The following PLEKHG4B variants were observed in gnomAD, a reference collection of about 807,000 sequenced individuals.
The protein encoded by PLEKHG4B is pleckstrin homology and RhoGEF domain containing G4B, also known as pleckstrin homology domain-containing family G member 4B.
PLEKHG4B carries 111 observed loss-of-function variants against 121.3 expected under a neutral mutation model. The ratio of observed to expected loss-of-function variants is 0.92; its 90% CI spans 0.78 to 1.07. PLEKHG4B has a LOEUF of 1.07. PLEKHG4B is among the 50% of genes least tolerant of loss of function. The probability of loss-of-function intolerance (pLI) is 0.00; values close to 1 mark genes in which losing one functional copy is unlikely to be tolerated. For missense variants in PLEKHG4B, 1,831 were observed against 1,757.8 expected (o/e 1.04, Z -0.74); for synonymous variants, 738 against 725.0 (o/e 1.02, Z -0.29).
chr5:97,727 T>G (rs1037480231), intron 1 of PLEKHG4B, among the ~76,000 whole-genome samples: 1 of 152,152 alleles, frequency 6.6e-6, no homozygotes, highest in African/African-American at 2.4e-5. Flanking sequence ...TTGGCTTTTG[T>G]GGATAGTGCT....
At position 184,023 on chromosome 5, in the gene PLEKHG4B, AGATAGACT is replaced by A. The variant is rs1318449693; in HGVS notation, c.*1703_*1710del. On this transcript the variant is annotated 3_prime_UTR_variant, in exon 20 of 20. Coordinates refer to ENST00000637938, the MANE Select transcript of PLEKHG4B (RefSeq NM_052909.5). The stretch of plus-strand genomic sequence containing the variant: ...TAGATAGATAGATAGATAGATAGAT[AGATAGACT>A]GACAGACAGATGAGAGGGGCCTTAG... The A allele has an allele frequency of 3.3e-5, 5 of 151,264 alleles. No homozygotes were observed. Among genetic ancestry groups the A allele is most frequent in the South Asian group, 4.2e-4 (2 of 4,770 alleles). 9.4% of individuals were successfully genotyped at this position (151,264 alleles called of 1,614,324 possible).
intron 13 of PLEKHG4B, among the ~76,000 whole-genome samples, chr5:164,857 GC>G (rs1736232723): frequency 7.6e-6 from 1 of 131,720 alleles, no homozygotes; most frequent in Non-Finnish European, 1.6e-5. Context: ...GTGACAGGGG[GC>G]GGGGCTCACA....
In PLEKHG4B at chr5:189,873, G is replaced by A. The variant is rs1395530682; in HGVS notation, c.*7550G>A. ...ACTTTTCAGAACCCAAAAGGTGTCT[G>A]GGAAATGGCGTTACCTGCCACTGTT... On this transcript the variant is annotated 3_prime_UTR_variant, in exon 20 of 20. Transcript: ENST00000637938. 1 of 152,214 alleles carries A rather than the reference G, an allele frequency of 6.6e-6. No homozygotes were observed. Among genetic ancestry groups the A allele is most frequent in the East Asian group, 1.9e-4 (1 of 5,194 alleles). 9.4% of individuals were successfully genotyped at this position (152,214 alleles called of 1,614,324 possible). A position where few individuals can be genotyped will look rare whatever the true frequency, so the allele number is the denominator to read the frequency against.
At chr5:138,573 G>A (rs558972431) in intron 2 of PLEKHG4B, among the ~76,000 whole-genome samples, 1 of 152,316 alleles carries the variant, frequency 6.6e-6, no homozygotes, top group South Asian at 2.1e-4. Flanking sequence ...GAAAGCTGGG[G>A]TTGTGACTTC....
intron 2 of PLEKHG4B, among the ~76,000 whole-genome samples, chr5:126,950 T>G (rs1428799572): frequency 4.6e-5 from 7 of 152,212 alleles, no homozygotes; most frequent in Non-Finnish European, 5.9e-5. Context: ...GGACCAGGTG[T>G]GACATTTACA....
chr5:110,232 C>G (rs998467802), intron 1 of PLEKHG4B, among the ~76,000 whole-genome samples: 1 of 150,580 alleles, frequency 6.6e-6, no homozygotes, highest in Non-Finnish European at 1.5e-5. Flanking sequence ...CATGCACACA[C>G]CGGCCACTCT....
chr5:146,661 T>A (rs1735428554), intron 6 of PLEKHG4B, among the ~76,000 whole-genome samples: 2 of 85,372 alleles, frequency 2.3e-5, no homozygotes, highest in African/African-American at 4.8e-5. Flanking sequence ...GAGTCCTCCC[T>A]CATCTCCCCC....
At chr5:164,823 C>CA (rs1157784604) in intron 13 of PLEKHG4B, among the ~76,000 whole-genome samples, 1 of 108,564 alleles carries the variant, frequency 9.2e-6, no homozygotes, top group Admixed American at 9.7e-5. Flanking sequence ...AATGCTGTGA[C>CA]GGAGCGGAGC....
At position 163,208 on chromosome 5, in the gene PLEKHG4B, G is replaced by T; in HGVS notation, c.3136G>T (p.Ala1046Ser). 1 of 1,593,626 alleles carries T rather than the reference G, an allele frequency of 6.3e-7. No homozygotes were observed. The highest frequency in any genetic ancestry group is 8.5e-7 in the Non-Finnish European group (1 of 1,170,676). Residue 1046 changes from alanine to serine, a missense_variant, in exon 13 of 20, where the codon GCA becomes TCA. Ala to Ser is a moderately conservative substitution (Grantham distance 99). Coordinates refer to ENST00000637938, the MANE Select transcript of PLEKHG4B (RefSeq NM_052909.5). The stretch of plus-strand genomic sequence containing the variant: ...GTCCCTCCTCAGGGGCCTTCCAGGG[G>T]CAGGGGCCACCACGGCCCACCTGGA... ...PLSLLRGLPG[A>S]GATTAHLEDS...
intron 18 of PLEKHG4B, among the ~76,000 whole-genome samples, chr5:174,428 G>T (rs1474741666): frequency 6.6e-6 from 1 of 151,714 alleles, no homozygotes; most frequent in African/African-American, 2.4e-5. Flanking sequence ...CAGGGGCCGG[G>T]GGCCAAGGCT....
intron 12 of PLEKHG4B, among the ~76,000 whole-genome samples, chr5:162,230 C>G (rs559396631): frequency 1.3e-5 from 2 of 152,234 alleles, no homozygotes; most frequent in Non-Finnish European, 2.9e-5. Flanking sequence ...GCCCAAAACC[C>G]TAAACAAGTG....
At chr5:167,437 T>C (rs1736388009) in intron 13 of PLEKHG4B, among the ~76,000 whole-genome samples, 1 of 104,960 alleles carries the variant, frequency 9.5e-6, no homozygotes, top group African/African-American at 3.3e-5. Flanking sequence ...ATACAAATAA[T>C]GGTAGAAAAA....
Position 169,839 on chromosome 5 carries a change from G to A in PLEKHG4B, c.3729+247G>A, listed in dbSNP as rs111922343. On this transcript the variant is annotated intron_variant, in intron 14 of 19. Coordinates refer to ENST00000637938, the MANE Select transcript of PLEKHG4B (RefSeq NM_052909.5). ...CTGTGTCCCTGCTGCCCCTGGAGGC[G>A]GAGGCTCACAGACACCATCACACCC... Among the ~76,000 whole-genome samples, 71 of 152,312 alleles carry A rather than the reference G, an allele frequency of 4.7e-4. 1 individual carries two copies. The highest frequency in any genetic ancestry group is 1.5e-3 in the African/African-American group (61 of 41,568).
Position 157,240 on chromosome 5 carries a change from G to T in PLEKHG4B, c.2487+329G>T. ...CCGGACGCTTTCTCCATGTGCATGC[G>T]TACACAGTGACTGAGAAGCCGAGGT... On this transcript the variant is annotated intron_variant, in intron 11 of 19. Coordinates refer to ENST00000637938, the MANE Select transcript of PLEKHG4B (RefSeq NM_052909.5). This position sits in a 1 kb window ranked among gnomAD's most constrained non-coding sequence, Gnocchi z 4.6. 1 of 358,364 alleles carries T rather than the reference G, an allele frequency of 2.8e-6. No homozygotes were observed. The highest frequency in any genetic ancestry group is 2.3e-5 in the South Asian group (1 of 43,042). 22.2% of individuals were successfully genotyped at this position (358,364 alleles called of 1,614,324 possible).
chr5:135,432 C>T (rs893659913), intron 2 of PLEKHG4B, among the ~76,000 whole-genome samples: 1 of 149,320 alleles, frequency 6.7e-6, no homozygotes, highest in Non-Finnish European at 1.5e-5. Flanking sequence ...TTTGGGAGGC[C>T]GAGGTGGCGG....
At chr5:141,878 C>T (rs1006241180) in intron 3 of PLEKHG4B, among the ~76,000 whole-genome samples, 1 of 152,292 alleles carries the variant, frequency 6.6e-6, no homozygotes, top group South Asian at 2.1e-4. Flanking sequence ...TGGGCTCCCC[C>T]CGCGGTGCCT....
chr5:146,882 G>C (rs755767743), intron 6 of PLEKHG4B, among the ~76,000 whole-genome samples: 3 of 151,494 alleles, frequency 2.0e-5, no homozygotes, highest in Admixed American at 6.6e-5. Context: ...TCCCGCCTGT[G>C]GTTTCTTCTT....
In PLEKHG4B at chr5:182,941, G is replaced by C. The variant is rs1733466561; in HGVS notation, c.*618G>C. 6.4e-6 allele frequency: 1 copy of C among 155,074 alleles called. No homozygotes were observed. Among genetic ancestry groups the C allele is most frequent in the Non-Finnish European group, 1.4e-5 (1 of 69,808 alleles). The allele number at this position is 155,074 out of a possible 1,614,324, so 9.6% of individuals were successfully genotyped here. A position where few individuals can be genotyped will look rare whatever the true frequency, so the allele number is the denominator to read the frequency against. On this transcript the variant is annotated 3_prime_UTR_variant, in exon 20 of 20. Coordinates refer to ENST00000637938, the MANE Select transcript of PLEKHG4B (RefSeq NM_052909.5). ...CAAGGCTGGGAGCAACCTTTGAAAA[G>C]ACCAAAGATCAATTCCTGGTACTCA...
rs1218244146 is a variant in PLEKHG4B, at chr5:156,057, C to T, written c.2209-14C>T. On this transcript the variant is annotated splice_polypyrimidine_tract_variant and intron_variant, in intron 9 of 19. Coordinates refer to ENST00000637938, the MANE Select transcript of PLEKHG4B (RefSeq NM_052909.5). The surrounding 1 kb of genome is among the most constrained non-coding windows in gnomAD (Gnocchi z 4.4). ...GGAGGGAGTTAAAGGCTTATTCCTC[C>T]CCATCCCGTGCAGGAAGTCGCCGAG... 5 of 1,569,320 alleles carry T rather than the reference C, an allele frequency of 3.2e-6. No individual in the cohort carries two copies. The highest frequency in any genetic ancestry group is 2.7e-5 in the African/African-American group (2 of 72,850).
Sources: allele counts gnomAD v4.1 joint callset (sites outside exome capture counted in the v4.1 genomes callset), GRCh38; gene constraint gnomAD v4.1.1; non-coding constraint Gnocchi (gnomAD v3.1); transcripts MANE v1.5; gene names NCBI Gene and HGNC (gene_info 2026-07-23, HGNC 2026-07-21).